ADCY3: variants seen among roughly 807,000 people sequenced by gnomAD.
ADCY3 encodes adenylate cyclase type 3.
A neutral mutation model predicts 119.4 loss-of-function variants in ADCY3; 70 were observed. That is an observed-to-expected ratio of 0.59 (90% CI 0.48 to 0.72). The LOEUF is 0.72. Among genes scored for constraint, ADCY3 ranks in the 30% least tolerant of loss-of-function variants. The pLI, the probability that ADCY3 is intolerant of heterozygous loss-of-function variation, is 0.00. For synonymous variants in ADCY3, 672 were observed against 621.4 expected (o/e 1.08, Z -1.21); for missense variants, 1,238 against 1,541.6 (o/e 0.80, Z 3.30).
intron 15 of ADCY3, 25 bp from the exon 16 acceptor site, chr2:24,826,151 G>C (rs376436495): frequency 1.2e-6 from 2 of 1,606,802 alleles, no homozygotes; most frequent in South Asian, 1.1e-5. Flanking sequence ...GTGTGCAACT[G>C]AAAGGGCTGT....
At chr2:24,850,656 C>A (rs551142488) in intron 3 of ADCY3, among the ~76,000 whole-genome samples, 4 of 152,246 alleles carry the variant, frequency 2.6e-5, no homozygotes, top group African/African-American at 9.6e-5. Context: ...TTTATCCCCC[C>A]AAATCCAACA....
intron 2 of ADCY3, among the ~76,000 whole-genome samples, chr2:24,906,794 T>C (rs1230731847): frequency 2.0e-5 from 3 of 152,200 alleles, no homozygotes; most frequent in African/African-American, 7.2e-5. Context: ...CCACCTACCA[T>C]AAGCAGGTTG....
At position 24,821,656 on chromosome 2, in the gene ADCY3, G is replaced by A. The variant is rs368950806; in HGVS notation, c.3004-16C>T. 24 of 1,612,906 alleles carry A rather than the reference G, an allele frequency of 1.5e-5. No individual in the cohort carries two copies. The highest frequency in any genetic ancestry group is 1.2e-4 in the African/African-American group (9 of 74,948). On this transcript the variant is annotated splice_polypyrimidine_tract_variant and intron_variant, in intron 19 of 21. Coordinates refer to ENST00000679454, the MANE Select transcript of ADCY3 (RefSeq NM_004036.5). ...ACTTGTCTTCCTGTGCCAGGGGACC[G>A]TGGAGAAAGTGTCAGGGGCCGCTCA...
chr2:24,821,874 T>TG (rs1667778107), intron 19 of ADCY3: 8 of 515,010 alleles, frequency 1.6e-5, no homozygotes, highest in Non-Finnish European at 2.7e-5. Context: ...GACGGACCTG[T>TG]GAGTCTGACC....
chr2:24,844,824 G>A (rs1671479956), intron 3 of ADCY3, among the ~76,000 whole-genome samples: 1 of 152,202 alleles, frequency 6.6e-6, no homozygotes, highest in South Asian at 2.1e-4. Flanking sequence ...CTTTGATATG[G>A]TTTGGCTGTG....
chr2:24,859,148 C>T (rs771198631), intron 3 of ADCY3, among the ~76,000 whole-genome samples: 1 of 152,160 alleles, frequency 6.6e-6, no homozygotes, highest in Non-Finnish European at 1.5e-5. Context: ...AAGAAGATAG[C>T]GAGTACAATG....
chr2:24,874,676 G>A (rs1396279424), intron 2 of ADCY3, among the ~76,000 whole-genome samples: 1 of 152,186 alleles, frequency 6.6e-6, no homozygotes, highest in Non-Finnish European at 1.5e-5. Context: ...GTCAGGGCTG[G>A]AGGGAGCTTT....
chr2:24,871,027 T>C (rs1439320366), intron 3 of ADCY3, among the ~76,000 whole-genome samples: 1 of 152,122 alleles, frequency 6.6e-6, no homozygotes, highest in Non-Finnish European at 1.5e-5. Context: ...TAAGATGTCC[T>C]AGATTGTACA....
chr2:24,886,533 C>T (rs1445832306), intron 2 of ADCY3, among the ~76,000 whole-genome samples: 2 of 152,180 alleles, frequency 1.3e-5, no homozygotes, highest in Admixed American at 1.3e-4. Flanking sequence ...GGCACAGAAC[C>T]CAGTCACCTC....
At chr2:24,836,419 G>A (rs189869690) in intron 9 of ADCY3, among the ~76,000 whole-genome samples, 48 of 152,322 alleles carry the variant, frequency 3.2e-4, no homozygotes, top group Admixed American at 9.8e-4. Context: ...TGCTCCAGAC[G>A]CCCTGCGGTC....
intron 2 of ADCY3, among the ~76,000 whole-genome samples, chr2:24,900,676 T>C (rs903238893): frequency 1.3e-5 from 2 of 152,158 alleles, no homozygotes; most frequent in Non-Finnish European, 2.9e-5. Flanking sequence ...TGGGCGAGGC[T>C]GAAGAGGAGA....
Position 24,840,011 on chromosome 2 carries a change from T to C in ADCY3, c.1217A>G (p.Lys406Arg), listed in dbSNP as rs199499129. Residue 406 changes from lysine to arginine, a missense_variant, in exon 7 of 22, where the codon AAG becomes AGG. Lys to Arg is a conservative substitution (Grantham distance 26). Transcript: ENST00000679454. ...EAISYVREKT[K>R]TGVDMRVGVH... ...CCCCACACGCATGTCCACCCCAGTC[T>C]TGGTCTTCTCCCGCACATACCTGCC... 6.2e-7 allele frequency: 1 copy of C among 1,612,942 alleles called. No individual in the cohort carries two copies.
chr2:24,911,672 A>ACC (rs1663693716), intron 2 of ADCY3, among the ~76,000 whole-genome samples: 3 of 132,246 alleles, frequency 2.3e-5, no homozygotes, highest in Non-Finnish European at 4.6e-5. Flanking sequence ...ACACACACAC[A>ACC]CCACCAAGCC....
At position 24,918,709 on chromosome 2, in the gene ADCY3, C is replaced by G. The variant is rs914932053; in HGVS notation, c.279G>C (p.Val93=). ...TGGAGAAGACCACAGCACACATGAC[C>G]ACCACGTAGCAGTCAAAGAGGGCTG... ...VFAALFDCYV[V]VMCAVVFSSD... Residue 93 remains valine, a synonymous_variant, in exon 2 of 22, where the codon GTG becomes GTC. Coordinates refer to ENST00000679454, the MANE Select transcript of ADCY3 (RefSeq NM_004036.5). The surrounding 1 kb of genome is among the most constrained non-coding windows in gnomAD (Gnocchi z 5.4). The G allele has an allele frequency of 6.2e-7, 1 of 1,613,970 alleles. No individual in the cohort carries two copies. The highest frequency in any genetic ancestry group is 8.5e-7 in the Non-Finnish European group (1 of 1,180,032).
rs1236275084 is a variant in ADCY3, at chr2:24,827,640, C to T, written c.2433-32G>A. 2.6e-6 allele frequency: 4 copies of T among 1,565,980 alleles called. No individual in the cohort carries two copies. The African/African-American group carries it at 4.1e-5, about 16-fold the overall frequency. On this transcript the variant is annotated intron_variant, in intron 14 of 21. Coordinates refer to ENST00000679454, the MANE Select transcript of ADCY3 (RefSeq NM_004036.5). ...GACAGATAACAGCACAGTCAGGCCC[C>T]ATCTGGGAACAAGAGCCTGATGCCC...
At chr2:24,885,430 A>G (rs556243858) in intron 2 of ADCY3, among the ~76,000 whole-genome samples, 6 of 152,150 alleles carry the variant, frequency 3.9e-5, no homozygotes, top group Admixed American at 6.5e-5. Context: ...TTCTGCCAAC[A>G]CTACGCCCCA....
At chr2:24,843,459 C>T (rs535122181) in intron 3 of ADCY3, among the ~76,000 whole-genome samples, 1 of 152,336 alleles carries the variant, frequency 6.6e-6, no homozygotes, top group East Asian at 1.9e-4. Flanking sequence ...TCTTGGACTC[C>T]TGCGCTCAAA....
Position 24,820,066 on chromosome 2 carries a change from C to G in ADCY3, c.3301G>C (p.Val1101Leu), listed in dbSNP as rs771976936. The G allele has an allele frequency of 1.9e-6, 3 of 1,580,888 alleles. No individual in the cohort carries two copies. The highest frequency in any genetic ancestry group is 2.6e-6 in the Non-Finnish European group (3 of 1,163,104). Residue 1101 changes from valine to leucine, a missense_variant, in exon 22 of 22, where the codon GTG becomes CTG. Physicochemically the swap from Val to Leu is conservative, Grantham distance 32. Around this residue, in one of 7 missense-constraint regions of ADCY3, gnomAD observed 86 missense variants for 70.7 expected, o/e 1.22. Transcript: ENST00000679454. ...VILREYGFRFVRRGPIFVKGK... is the reference protein window; with the variant it reads ...VILREYGFRFLRRGPIFVKGK... ...TTCACAAAGATGGGGCCTCGCCTCA[C>G]AAAGCGGAAGCCGTACTCTCGGAGG... is the stretch of plus-strand genomic sequence containing the variant.
chr2:24,881,538 A>G (rs1025918356), intron 2 of ADCY3, among the ~76,000 whole-genome samples: 1 of 152,212 alleles, frequency 6.6e-6, no homozygotes, highest in African/African-American at 2.4e-5. Context: ...CCCTCAGTGC[A>G]GCTCCTGATG....
Sources: gnomAD v4.1 joint callset for allele counts (sites outside exome capture counted in the v4.1 genomes callset) on GRCh38, gnomAD v4.1.1 for gene constraint, gnomAD v4.1.1 regional missense constraint, Gnocchi (gnomAD v3.1) non-coding constraint, MANE v1.5 for transcripts, NCBI Gene and HGNC (gene_info 2026-07-23, HGNC 2026-07-21) for gene names.